The following EIF3E variants were observed in gnomAD, a reference collection of about 807,000 sequenced individuals.
EIF3E encodes eukaryotic translation initiation factor 3 subunit E, also known as eIF-3 p48.
In EIF3E, 25 loss-of-function variants were observed where a neutral mutation model predicts 59.3. That is an observed-to-expected ratio of 0.42 (90% CI 0.31 to 0.59). The LOEUF (loss-of-function observed/expected upper bound fraction) is 0.59, where lower values mean the gene tolerates loss of function less well. EIF3E is among the 20% of genes least tolerant of loss of function. The pLI, the probability that EIF3E is intolerant of heterozygous loss-of-function variation, is 0.15. For missense variants in EIF3E, 317 were observed against 534.3 expected, an observed-to-expected ratio of 0.59 and a Z score of 4.01; for synonymous variants, 176 against 170.2, an observed-to-expected ratio of 1.03 and a Z score of -0.26.
At chr8:108,234,742 T>C in intron 5 of EIF3E, 1 of 271,936 alleles carries the variant, frequency 3.7e-6, no homozygotes, top group Non-Finnish European at 6.8e-6. Context: ...CTGTTAATGC[T>C]AAAAATCATA....
chr8:108,202,545 A>G (rs1815014173), intron 12 of EIF3E, among the ~76,000 whole-genome samples: 2 of 152,106 alleles, frequency 1.3e-5, no homozygotes, highest in African/African-American at 4.8e-5. Flanking sequence ...CAGATGAAAG[A>G]TAATGAAATT....
At chr8:108,202,869 A>G (rs777950857) in intron 12 of EIF3E, 114 bp downstream of exon 12, 20 of 1,232,130 alleles carry the variant, frequency 1.6e-5, no homozygotes, top group Non-Finnish European at 2.2e-5. Context: ...AAATGTTCAT[A>G]TCTTTAAAGA....
chr8:108,237,858 A>G (rs1815763408), intron 3 of EIF3E, among the ~76,000 whole-genome samples: 1 of 152,224 alleles, frequency 6.6e-6, no homozygotes, highest in Non-Finnish European at 1.5e-5. Context: ...TGTAAGTACG[A>G]TACTATATAT....
At chr8:108,233,690 TA>T in intron 5 of EIF3E, 2 of 408,018 alleles carry the variant, frequency 4.9e-6, no homozygotes, top group Non-Finnish European at 4.9e-6. Flanking sequence ...AAAAAAAAAT[TA>T]AAAATTAGCC....
chr8:108,212,839 T>C (rs1394571274), intron 10 of EIF3E, among the ~76,000 whole-genome samples: 4 of 151,798 alleles, frequency 2.6e-5, no homozygotes, highest in Non-Finnish European at 5.9e-5. Context: ...ACATACATTA[T>C]TGATCTATGT....
At chr8:108,225,461 C>T (rs1011368493) in intron 7 of EIF3E, among the ~76,000 whole-genome samples, 19 of 151,438 alleles carry the variant, frequency 1.3e-4, no homozygotes, top group Admixed American at 2.0e-4. Context: ...ATGAATGATA[C>T]TATAAAATCA....
chr8:108,203,157 T>A, intron 11 of EIF3E, 40 bp from the exon 12 acceptor site: 1 of 1,596,410 alleles, frequency 6.3e-7, no homozygotes, highest in Non-Finnish European at 8.5e-7. Flanking sequence ...ATAATGTTAA[T>A]GACTGAGTTT....
At chr8:108,210,001 C>T (rs969343834) in intron 10 of EIF3E, among the ~76,000 whole-genome samples, 1 of 151,054 alleles carries the variant, frequency 6.6e-6, no homozygotes, top group Non-Finnish European at 1.5e-5. Context: ...TTTATCATTT[C>T]TTACAACTGA....
intron 7 of EIF3E, chr8:108,221,357 G>A (rs1315709641): frequency 1.3e-5 from 2 of 152,214 alleles, no homozygotes; most frequent in South Asian, 2.1e-4. Context: ...AAAAAATTCT[G>A]CTGGGATCTA....
intron 3 of EIF3E, 67 bp from the exon 4 acceptor site, chr8:108,236,270 C>T (rs1815728067): frequency 7.8e-7 from 1 of 1,280,172 alleles, no homozygotes; most frequent in Non-Finnish European, 1.1e-6. Flanking sequence ...GCATATCCAA[C>T]TTCTAAGTTA....
At chr8:108,243,638 G>GAAAAAAAAAAA (rs779684560) in intron 1 of EIF3E, among the ~76,000 whole-genome samples, 13 of 70,946 alleles carry the variant, frequency 1.8e-4, no homozygotes, top group South Asian at 5.2e-4. Context: ...CAAAAAAAAA[G>GAAAAAAAAAAA]AAAAAAAAAA....
In EIF3E at chr8:108,201,923, C is replaced by T. The variant is rs374346200; in HGVS notation, c.1300G>A (p.Ala434Thr). Reference sequence around the variant, plus strand: ...GAATCTTGAGTTGCCCAGTTAGGAGCCTAAAATATGCAAAAAGAAATCAAC... The same window carrying T: ...GAATCTTGAGTTGCCCAGTTAGGAGTCTAAAATATGCAAAAAGAAATCAAC... ...KKLNQNSRSE[A>T]PNWATQDSGF... is the part of the protein sequence containing the mutation. Residue 434 changes from alanine to threonine, a missense_variant and splice_region_variant, in exon 13 of 13, where the codon GCT becomes ACT. By Grantham distance (58) the Ala-to-Thr change is moderately conservative (BLOSUM62 0). Coordinates refer to ENST00000220849, the MANE Select transcript of EIF3E (RefSeq NM_001568.3). 7.7e-6 allele frequency: 12 copies of T among 1,566,866 alleles called. No individual in the cohort carries two copies. Among genetic ancestry groups the T allele is most frequent in the Middle Eastern group, 1.7e-4 (1 of 5,896 alleles).
intron 11 of EIF3E, 31 bp downstream of exon 11, chr8:108,203,370 T>C (rs767638985): frequency 6.4e-7 from 1 of 1,563,088 alleles, no homozygotes; most frequent in South Asian, 1.1e-5. Flanking sequence ...CAGGAACTGA[T>C]AGTATGTAGC....
Position 108,248,596 on chromosome 8 carries a change from C to T in EIF3E, c.90+17G>A. 6.2e-7 allele frequency: 1 copy of T among 1,613,546 alleles called. No homozygotes were observed. The highest frequency in any genetic ancestry group is 1.3e-5 in the African/African-American group (1 of 75,012). On this transcript the variant is annotated intron_variant, in intron 1 of 12. Coordinates refer to ENST00000220849, the MANE Select transcript of EIF3E (RefSeq NM_001568.3). ...CATCCGCCCCCACGCCTTCCTTGCG[C>T]CCAAAGACCCCCTCACCTCCTTTAC... is the stretch of plus-strand genomic sequence containing the variant.
At chr8:108,206,338 A>G (rs1349299104) in intron 10 of EIF3E, among the ~76,000 whole-genome samples, 1 of 152,064 alleles carries the variant, frequency 6.6e-6, no homozygotes, top group Non-Finnish European at 1.5e-5. Context: ...AAAAAAAGAA[A>G]AAGAAAGAAA....
At chr8:108,230,525 G>C (rs902766697) in intron 5 of EIF3E, among the ~76,000 whole-genome samples, 1 of 151,878 alleles carries the variant, frequency 6.6e-6, no homozygotes, top group African/African-American at 2.4e-5. Context: ...ACAGATATAT[G>C]ATCTAAACAT....
At chr8:108,246,632 C>T (rs1303499933) in intron 1 of EIF3E, among the ~76,000 whole-genome samples, 1 of 152,064 alleles carries the variant, frequency 6.6e-6, no homozygotes, top group Non-Finnish European at 1.5e-5. Context: ...ATAAAAGTTA[C>T]ACCAAGTGTG....
Position 108,241,792 on chromosome 8 carries a change from A to AACTT in EIF3E, c.205+3_205+6dup, listed in dbSNP as rs776727520. 24 of 1,528,736 alleles carry AACTT rather than the reference A, an allele frequency of 1.6e-5. No homozygotes were observed. The South Asian group carries it at 2.6e-4, about 17-fold the overall frequency. 94.7% of individuals were successfully genotyped at this position (1,528,736 alleles called of 1,614,324 possible). ...AGACAAGTTTCAGTTCTAATGACAA[A>AACTT]ACTTACCATGAGGAATATCATCAGA... On this transcript the variant is annotated splice_region_variant and intron_variant, in intron 2 of 12. Transcript: ENST00000220849.
chr8:108,243,855 T>C (rs2129929495), intron 1 of EIF3E, among the ~76,000 whole-genome samples: 1 of 152,214 alleles, frequency 6.6e-6, no homozygotes, highest in Middle Eastern at 3.4e-3. Flanking sequence ...GAAACACTAA[T>C]CTTAAATAAA....
Sources: allele counts gnomAD v4.1 joint callset (sites outside exome capture counted in the v4.1 genomes callset), GRCh38; gene constraint gnomAD v4.1.1; transcripts MANE v1.5; gene names NCBI Gene and HGNC (gene_info 2026-07-23, HGNC 2026-07-21).